Variants in DOCK4 observed in about 807,000 individuals in gnomAD.
The protein encoded by DOCK4 is dedicator of cytokinesis 4.
A neutral mutation model predicts 268.1 loss-of-function variants in DOCK4; 97 were observed. The ratio of observed to expected loss-of-function variants is 0.36; its 90% CI spans 0.31 to 0.43. The LOEUF is 0.43. Among genes scored for constraint, DOCK4 ranks in the 20% least tolerant of loss-of-function variants. The probability of loss-of-function intolerance (pLI) is 1.00; values close to 1 mark genes in which losing one functional copy is unlikely to be tolerated. For synonymous variants in DOCK4, 954 were observed against 887.2 expected (o/e 1.08, Z -1.34); for missense variants, 2,145 against 2,455.7 (o/e 0.87, Z 2.67).
chr7:111,987,024 T>C (rs1799106484), intron 6 of DOCK4, among the ~76,000 whole-genome samples: 1 of 152,222 alleles, frequency 6.6e-6, no homozygotes, highest in Non-Finnish European at 1.5e-5. Context: ...AATGTATACT[T>C]AAAGGAATAA....
intron 23 of DOCK4, among the ~76,000 whole-genome samples, chr7:111,849,511 C>T (rs1027573442): frequency 6.6e-6 from 1 of 152,140 alleles, no homozygotes; most frequent in Non-Finnish European, 1.5e-5. Flanking sequence ...GATCCACCCT[C>T]CTCGGCCTCC....
chr7:111,729,871 T>C (rs115807960), intron 52 of DOCK4, among the ~76,000 whole-genome samples: 178 of 152,340 alleles, frequency 1.2e-3, no homozygotes, highest in African/African-American at 4.0e-3. Flanking sequence ...GGCTGTAGCC[T>C]GTGATGTGAG....
At chr7:111,950,391 A>T (rs1293668444) in intron 8 of DOCK4, among the ~76,000 whole-genome samples, 1 of 152,238 alleles carries the variant, frequency 6.6e-6, no homozygotes, top group Non-Finnish European at 1.5e-5. Context: ...TAAACTTAAA[A>T]AATGTCCTTC....
At position 112,095,006 on chromosome 7, in the gene DOCK4, T is replaced by A. The variant is rs559030906; in HGVS notation, c.38-90875A>T. 3.3e-5 allele frequency among the ~76,000 whole-genome samples: 5 copies of A among 152,306 alleles called. No individual in the cohort carries two copies. The South Asian group carries it at 1.0e-3, about 32-fold the overall frequency. ...GAGCTGATTAAACCTCCTTTCTTTA[T>A]AAATTACCCAGTCTCAGGTATTTCT... On this transcript the variant is annotated intron_variant, in intron 1 of 52. Coordinates refer to ENST00000428084, the MANE Select transcript of DOCK4 (RefSeq NM_001363540.2).
chr7:112,098,826 T>C (rs1810402672), intron 1 of DOCK4, among the ~76,000 whole-genome samples: 1 of 57,024 alleles, frequency 1.8e-5, no homozygotes, highest in Non-Finnish European at 4.6e-5. Context: ...CTATATATTT[T>C]ATCTAAATTA....
intron 1 of DOCK4, among the ~76,000 whole-genome samples, chr7:112,146,547 T>C (rs1437353567): frequency 6.6e-6 from 1 of 152,006 alleles, no homozygotes; most frequent in African/African-American, 2.4e-5. Flanking sequence ...GCCTAGGCAA[T>C]GTGGCGAAAC....
chr7:111,739,454 C>T lies in DOCK4; in HGVS notation c.5064G>A (p.Leu1688=), dbSNP rs866077638. 6.4e-7 allele frequency: 1 copy of T among 1,571,570 alleles called. No individual in the cohort carries two copies. Among genetic ancestry groups the T allele is most frequent in the South Asian group, 1.2e-5 (1 of 85,402 alleles). Residue 1688 remains leucine, a synonymous_variant, in exon 48 of 53, where the codon TTG becomes TTA. Coordinates refer to ENST00000428084, the MANE Select transcript of DOCK4 (RefSeq NM_001363540.2). ...TAGGTGAAGCCGAGTGAGTAGAACT[C>T]AAGCTTGAGGTAGATGGACTTGGCT... ...NMQPSPSTSS[L]SSTHSASPNV... is the part of the protein sequence containing the mutation.
chr7:111,763,466 AT>A (rs1797579073), intron 39 of DOCK4, among the ~76,000 whole-genome samples: 1 of 152,214 alleles, frequency 6.6e-6, no homozygotes, highest in Admixed American at 6.5e-5. Context: ...TAGAAGATTG[AT>A]TTATTCTAAT....
Position 111,925,883 on chromosome 7 carries a change from C to G in DOCK4, c.1066+9657G>C, listed in dbSNP as rs546992511. On this transcript the variant is annotated intron_variant, in intron 12 of 52. Coordinates refer to ENST00000428084, the MANE Select transcript of DOCK4 (RefSeq NM_001363540.2). ...TGGGCAGATCACGAGGTCAGGAGATCGAGACTATCCTGGCCAACATGGTAA... is the reference window on the plus strand; with the variant it reads ...TGGGCAGATCACGAGGTCAGGAGATGGAGACTATCCTGGCCAACATGGTAA... Among the ~76,000 whole-genome samples, 37 of 152,048 alleles carry G rather than the reference C, an allele frequency of 2.4e-4. No homozygotes were observed. The Middle Eastern group carries it at 0.01, about 42-fold the overall frequency.
intron 1 of DOCK4, among the ~76,000 whole-genome samples, chr7:112,187,421 T>A (rs935752278): frequency 6.6e-6 from 1 of 152,212 alleles, no homozygotes; most frequent in Non-Finnish European, 1.5e-5. Context: ...CCTTCTCTTA[T>A]GATGTTTTTC....
In DOCK4 at chr7:111,989,300, AC is replaced by A. The variant is rs112305609; in HGVS notation, c.316-138del. On this transcript the variant is annotated intron_variant, in intron 5 of 52. Coordinates refer to ENST00000428084, the MANE Select transcript of DOCK4 (RefSeq NM_001363540.2). ...ACTCTGGACAGATGTCCGTGAACAG[AC>A]AAACTGTTCGCTCACTATCCTCAAA... is the stretch of plus-strand genomic sequence containing the variant. 5.6e-5 allele frequency: 65 copies of A among 1,158,528 alleles called. 2 individuals carry two copies. The African/African-American group carries it at 8.3e-4, about 15-fold the overall frequency. The allele number at this position is 1,158,528 out of a possible 1,614,324, so 71.8% of individuals were successfully genotyped here. A position where few individuals can be genotyped will look rare whatever the true frequency, so the allele number is the denominator to read the frequency against.
intron 31 of DOCK4, chr7:111,788,949 G>C: frequency 1.7e-6 from 1 of 593,224 alleles, no homozygotes; most frequent in Non-Finnish European, 3.0e-6. Context: ...TCACACTCCT[G>C]GCTGGGTAGC....
chr7:111,809,930 TA>T (rs1251662377), intron 28 of DOCK4, among the ~76,000 whole-genome samples: 14 of 150,662 alleles, frequency 9.3e-5, no homozygotes, highest in African/African-American at 2.7e-4. Flanking sequence ...TAAGTTTTCT[TA>T]TACCAAAAAA....
intron 49 of DOCK4, among the ~76,000 whole-genome samples, chr7:111,737,257 A>C (rs901797525): frequency 6.6e-6 from 1 of 152,190 alleles, no homozygotes; most frequent in South Asian, 2.1e-4. Context: ...TGTAAAAAAT[A>C]AATAGTAAAT....
rs556515033 is a variant in DOCK4, at chr7:111,913,795, T to C, written c.1192+1984A>G. 3.4e-3 allele frequency among the ~76,000 whole-genome samples: 517 copies of C among 151,044 alleles called. 5 individuals carry two copies. The highest frequency in any genetic ancestry group is 0.012 in the African/African-American group (487 of 41,032). On this transcript the variant is annotated intron_variant, in intron 13 of 52. Coordinates refer to ENST00000428084, the MANE Select transcript of DOCK4 (RefSeq NM_001363540.2). The stretch of plus-strand genomic sequence containing the variant: ...TACTCAGGAGGCTGAGGTGGGAGGA[T>C]CACTTGAGCCCAGGAGTTTGAGACT...
At chr7:112,070,268 T>A (rs1807466998) in intron 1 of DOCK4, among the ~76,000 whole-genome samples, 1 of 152,154 alleles carries the variant, frequency 6.6e-6, no homozygotes, top group African/African-American at 2.4e-5. Flanking sequence ...TGGGAACCCT[T>A]TAGATACAGG....
chr7:111,936,101 C>T (rs891924071), intron 11 of DOCK4, among the ~76,000 whole-genome samples: 1 of 152,146 alleles, frequency 6.6e-6, no homozygotes. Context: ...ATAATAAATG[C>T]TCAGTAAATT....
At chr7:111,760,781 T>TGTGA (rs61045792) in intron 39 of DOCK4, among the ~76,000 whole-genome samples, 4,951 of 143,364 alleles carry the variant, frequency 0.035, 109 homozygotes, top group Middle Eastern at 0.066. Flanking sequence ...TGTGTGTGTG[T>TGTGA]GTATTCTGCC....
At chr7:112,066,155 T>C (rs777692454) in intron 1 of DOCK4, among the ~76,000 whole-genome samples, 1 of 152,124 alleles carries the variant, frequency 6.6e-6, no homozygotes, top group East Asian at 1.9e-4. Flanking sequence ...AGAACAGCAT[T>C]TGAATCAGTG....
Sources: gnomAD v4.1 joint callset for allele counts (sites outside exome capture counted in the v4.1 genomes callset) on GRCh38, gnomAD v4.1.1 for gene constraint, MANE v1.5 for transcripts, NCBI Gene and HGNC (gene_info 2026-07-23, HGNC 2026-07-21) for gene names.